ME3: variants seen among roughly 807,000 people sequenced by gnomAD.
ME3 encodes the protein NADP-dependent malic enzyme, mitochondrial.
In ME3, 48 loss-of-function variants were observed where a neutral mutation model predicts 68.9. The ratio of observed to expected loss-of-function variants is 0.70; its 90% CI spans 0.55 to 0.89. The LOEUF (loss-of-function observed/expected upper bound fraction) is 0.89. Among genes scored for constraint, ME3 ranks in the 40% least tolerant of loss-of-function variants. The pLI is 0.00. For synonymous variants in ME3, 320 were observed against 318.8 expected (o/e 1.00, Z -0.04); for missense variants, 675 against 797.4 (o/e 0.85, Z 1.85).
At chr11:86,435,832 G>T in the ME3 span, 1 of 152,278 alleles carries the variant, frequency 6.6e-6, no homozygotes, top group Non-Finnish European at 1.5e-5. Context: ...GTTCTCAATT[G>T]AGGCTAGGAA....
At chr11:86,443,028 A>G in intron 13 of ME3, 109 bp from the exon 14 acceptor site, 2 of 757,632 alleles carry the variant, frequency 2.6e-6, no homozygotes, top group South Asian at 3.7e-5. Flanking sequence ...TTGGTCAAAC[A>G]CTGCAGTTCC....
chr11:86,461,884 T>G (rs1950239910), intron 8 of ME3, among the ~76,000 whole-genome samples: 1 of 152,146 alleles, frequency 6.6e-6, no homozygotes, highest in South Asian at 2.1e-4. Context: ...TCCTCATGAG[T>G]TCTAGATTGA....
At chr11:86,477,593 T>C (rs1450317870) in intron 7 of ME3, among the ~76,000 whole-genome samples, 1 of 152,210 alleles carries the variant, frequency 6.6e-6, no homozygotes, top group African/African-American at 2.4e-5. Context: ...CTGGGGATGA[T>C]TTTGTTCCTA....
chr11:86,636,506 G>T (rs1243789969), intron 2 of ME3, among the ~76,000 whole-genome samples: 5 of 152,156 alleles, frequency 3.3e-5, no homozygotes, highest in African/African-American at 4.8e-5. Flanking sequence ...TGCACCTCCA[G>T]AGTGACAACA....
Position 86,625,256 on chromosome 11 carries a change from G to C in ME3, c.183+46506C>G, listed in dbSNP as rs181501462. Reference sequence around the variant, plus strand: ...TTGGGTAGAAGATCCAGCACCCTGAGTTTGGTGACCATAGTTACAGAGTAC... The same window carrying C: ...TTGGGTAGAAGATCCAGCACCCTGACTTTGGTGACCATAGTTACAGAGTAC... On this transcript the variant is annotated intron_variant, in intron 2 of 14. Transcript: ENST00000543262. 1.4e-3 allele frequency among the ~76,000 whole-genome samples: 206 copies of C among 152,152 alleles called. 1 individual carries two copies. Among genetic ancestry groups the C allele is most frequent in the Non-Finnish European group, 2.4e-3 (164 of 68,014 alleles).
At chr11:86,665,753 T>C (rs1679490617) in intron 2 of ME3, among the ~76,000 whole-genome samples, 1 of 152,188 alleles carries the variant, frequency 6.6e-6, no homozygotes, top group African/African-American at 2.4e-5. Context: ...TGGTGACCCA[T>C]GGTGAACAGG....
chr11:86,437,637 C>T (rs1335881465), downstream of ME3, among the ~76,000 whole-genome samples: 1 of 152,114 alleles, frequency 6.6e-6, no homozygotes, highest in Non-Finnish European at 1.5e-5. Context: ...TAATTTCTAT[C>T]AGCAATGTTT....
rs145267977 is a variant in ME3, at chr11:86,450,985, C to A, written c.920-587G>T. 1.5e-3 allele frequency among the ~76,000 whole-genome samples: 223 copies of A among 152,330 alleles called. 1 individual carries two copies. Among genetic ancestry groups the A allele is most frequent in the Middle Eastern group, 3.4e-3 (1 of 294 alleles). On this transcript the variant is annotated intron_variant, in intron 8 of 14. Coordinates refer to ENST00000543262, the Ensembl canonical transcript of ME3. ...TTCTCCCTGAATCCACATCTAAGGC[C>A]TCACTGGGGATTCCTTAAGAGCAGC...
intron 2 of ME3, among the ~76,000 whole-genome samples, chr11:86,658,132 A>AT (rs11387187): frequency 0.89 from 132,345 of 148,482 alleles, 58,999 homozygotes; most frequent in Middle Eastern, 0.95. Flanking sequence ...CTTCTTCACA[A>AT]TTTTTTTTTT....
chr11:86,536,063 C>T (rs1955632544), intron 4 of ME3, among the ~76,000 whole-genome samples: 1 of 152,162 alleles, frequency 6.6e-6, no homozygotes, highest in African/African-American at 2.4e-5. Flanking sequence ...TCAGCTATAT[C>T]TCTATTTGTA....
intron 6 of ME3, among the ~76,000 whole-genome samples, chr11:86,487,903 TGC>T (rs1224522436): frequency 6.6e-6 from 1 of 152,226 alleles, no homozygotes; most frequent in Non-Finnish European, 1.5e-5. Context: ...CAAGGCCTGA[TGC>T]GGTGGCTCAC....
intron 8 of ME3, among the ~76,000 whole-genome samples, chr11:86,451,871 G>T (rs1459950655): frequency 6.6e-6 from 1 of 152,202 alleles, no homozygotes; most frequent in African/African-American, 2.4e-5. Flanking sequence ...TCATGCCTAT[G>T]AAATTCACTG....
At chr11:86,541,968 T>C (rs1956074509) in intron 4 of ME3, among the ~76,000 whole-genome samples, 1 of 152,122 alleles carries the variant, frequency 6.6e-6, no homozygotes, top group Non-Finnish European at 1.5e-5. Context: ...CAGGCAGCAA[T>C]TTTTGCTGGT....
Position 86,647,973 on chromosome 11 carries a change from T to A in ME3, c.183+23789A>T, listed in dbSNP as rs150929586. Among the ~76,000 whole-genome samples, 122 of 152,264 alleles carry A rather than the reference T, an allele frequency of 8.0e-4. 1 individual carries two copies. Among genetic ancestry groups the A allele is most frequent in the African/African-American group, 2.8e-3 (117 of 41,546 alleles). On this transcript the variant is annotated intron_variant, in intron 2 of 14. Coordinates refer to ENST00000543262, the Ensembl canonical transcript of ME3. ...AATATACATTCTTCTCAGAACCACA[T>A]AGCACTTATTCTAAAATTGACCACA...
At chr11:86,559,638 C>G in intron 3 of ME3, 52 bp downstream of exon 3, 2 of 1,553,414 alleles carry the variant, frequency 1.3e-6, no homozygotes, top group South Asian at 2.4e-5. Context: ...GCACAGGAAA[C>G]AGACAGCTCA....
At chr11:86,630,645 G>C (rs914765470) in intron 2 of ME3, among the ~76,000 whole-genome samples, 9 of 152,252 alleles carry the variant, frequency 5.9e-5, no homozygotes, top group African/African-American at 2.2e-4. Flanking sequence ...AAGCAGATTT[G>C]ATCAAATCAG....
At chr11:86,571,056 G>A (rs1338492157) in intron 2 of ME3, among the ~76,000 whole-genome samples, 1 of 152,184 alleles carries the variant, frequency 6.6e-6, no homozygotes, top group Non-Finnish European at 1.5e-5. Flanking sequence ...AAAAGGCTGT[G>A]CCTATTACAG....
chr11:86,524,063 T>C lies in ME3; in HGVS notation c.468-15196A>G, dbSNP rs1317487766. On this transcript the variant is annotated intron_variant, in intron 4 of 14. Coordinates refer to ENST00000543262, the Ensembl canonical transcript of ME3. Reference sequence around the variant, plus strand: ...AATAATCAGAGGCTTTAGGCCCCTTTCCCTGAAAAGTCACACTTAACACTC... The same window carrying C: ...AATAATCAGAGGCTTTAGGCCCCTTCCCCTGAAAAGTCACACTTAACACTC... 3.3e-5 allele frequency among the ~76,000 whole-genome samples: 5 copies of C among 152,326 alleles called. 1 individual carries two copies. Among genetic ancestry groups the C allele is most frequent in the Middle Eastern group, 6.8e-3 (2 of 294 alleles).
At chr11:86,618,673 T>C (rs548860323) in intron 2 of ME3, among the ~76,000 whole-genome samples, 2 of 151,960 alleles carry the variant, frequency 1.3e-5, no homozygotes, top group South Asian at 4.2e-4. Flanking sequence ...CCCTCATGGT[T>C]TGGTGCTGTC....
Sources: gnomAD v4.1 joint callset for allele counts (sites outside exome capture counted in the v4.1 genomes callset) on GRCh38, gnomAD v4.1.1 for gene constraint, MANE v1.5 for transcripts, NCBI Gene and HGNC (gene_info 2026-07-23, HGNC 2026-07-21) for gene names.